C5: variants seen among roughly 807,000 people sequenced by gnomAD.
The protein encoded by C5 is complement C5.
A neutral mutation model predicts 218.8 loss-of-function variants in C5; 140 were observed. The observed-to-expected ratio is 0.64, with a 90% confidence interval of 0.56 to 0.74. The LOEUF is 0.74. Among genes scored for constraint, C5 ranks in the 30% least tolerant of loss-of-function variants. C5 has a pLI of 0.00. For missense variants in C5, 1,700 were observed against 1,969.6 expected, an observed-to-expected ratio of 0.86 and a Z score of 2.59; for synonymous variants, 614 against 682.3, an observed-to-expected ratio of 0.90 and a Z score of 1.56.
At chr9:121,002,331 T>C (rs1349780958) in intron 20 of C5, among the ~76,000 whole-genome samples, 8 of 116,650 alleles carry the variant, frequency 6.9e-5, no homozygotes, top group South Asian at 3.2e-4. Context: ...TATATATATA[T>C]ATATATATAT....
Position 120,982,801 on chromosome 9 carries a change from C to A in C5, c.3244G>T (p.Ala1082Ser). Residue 1082 changes from alanine to serine, a missense_variant, in exon 26 of 41, where the codon GCT (alanine) becomes TCT (serine). Ala to Ser is a moderately conservative substitution (Grantham distance 99, BLOSUM62 1). Transcript: ENST00000223642. ...TTTACTTGTCCAAGTACTCTTAAAGCAAAAGCTGTTAACCTTTAAGACAAA... is the reference window on the plus strand; with the variant it reads ...TTTACTTGTCCAAGTACTCTTAAAGAAAAAGCTGTTAACCTTTAAGACAAA... ...GSASTWLTAF[A>S]LRVLGQVNKY... is the part of the protein sequence containing the mutation. 1 of 1,583,052 alleles carries A rather than the reference C, an allele frequency of 6.3e-7. No homozygotes were observed. The highest frequency in any genetic ancestry group is 8.7e-7 in the Non-Finnish European group (1 of 1,153,934).
chr9:120,969,512 A>G (rs1219616475), intron 32 of C5, among the ~76,000 whole-genome samples: 2 of 152,228 alleles, frequency 1.3e-5, no homozygotes, highest in African/African-American at 4.8e-5. Flanking sequence ...CAGAGGCAGC[A>G]ACATTCATTC....
chr9:121,029,892 C>T (rs1468281469), intron 7 of C5, among the ~76,000 whole-genome samples: 1 of 152,180 alleles, frequency 6.6e-6, no homozygotes, highest in Non-Finnish European at 1.5e-5. Flanking sequence ...TGGACAGGAC[C>T]TTCCTAGACC....
chr9:121,027,042 A>AT, intron 8 of C5, 118 bp downstream of exon 8: 1 of 708,200 alleles, frequency 1.4e-6, no homozygotes, highest in South Asian at 1.5e-5. Flanking sequence ...CCAATGGAGG[A>AT]TTTTAAGTTT....
At chr9:120,969,819 T>C (rs1258693160) in intron 32 of C5, among the ~76,000 whole-genome samples, 2 of 152,196 alleles carry the variant, frequency 1.3e-5, no homozygotes, top group African/African-American at 4.8e-5. Flanking sequence ...GGTCCCAGAT[T>C]GGAAGGCTAA....
intron 7 of C5, among the ~76,000 whole-genome samples, chr9:121,028,047 A>G (rs1321719289): frequency 3.3e-5 from 5 of 152,246 alleles, no homozygotes; most frequent in African/African-American, 7.2e-5. Context: ...ATGAACAGAT[A>G]CTTCTCAAAA....
the C5 span, chr9:121,074,779 C>G: frequency 6.6e-6 from 3 of 454,366 alleles, no homozygotes; most frequent in African/African-American, 4.0e-5. Flanking sequence ...AAGGCGAAGG[C>G]ACCGCATCCC....
chr9:121,052,283 C>T (rs1484563935), upstream of C5, among the ~76,000 whole-genome samples: 1 of 151,750 alleles, frequency 6.6e-6, no homozygotes, highest in Non-Finnish European at 1.5e-5. Flanking sequence ...ATGGCGAAAA[C>T]CCGCCTCTAC....
intron 38 of C5, 105 bp downstream of exon 38, chr9:120,960,143 T>A: frequency 1.3e-6 from 1 of 742,214 alleles, no homozygotes; most frequent in Non-Finnish European, 2.4e-6. Context: ...TCACATGGAA[T>A]GTTGTATTCA....
intron 17 of C5, among the ~76,000 whole-genome samples, chr9:121,012,728 C>G (rs572720606): frequency 6.6e-6 from 1 of 152,276 alleles, no homozygotes; most frequent in Non-Finnish European, 1.5e-5. Context: ...CGTACTTACA[C>G]TAATCTAGAT....
the C5 span, among the ~76,000 whole-genome samples, chr9:121,060,850 C>G: frequency 6.6e-6 from 1 of 152,134 alleles, no homozygotes; most frequent in Non-Finnish European, 1.5e-5. Context: ...ATTTTACAGA[C>G]AAAGAATCTG....
intron 37 of C5, among the ~76,000 whole-genome samples, chr9:120,960,659 T>A (rs1407586892): frequency 6.6e-6 from 1 of 152,172 alleles, no homozygotes; most frequent in Non-Finnish European, 1.5e-5. Flanking sequence ...ATTATGAAAT[T>A]TTTCTTGTGA....
the C5 span, among the ~76,000 whole-genome samples, chr9:121,059,007 GAGTC>G: frequency 6.6e-6 from 1 of 152,230 alleles, no homozygotes; most frequent in Non-Finnish European, 1.5e-5. The surrounding 1 kb of genome is among the most constrained non-coding windows in gnomAD (Gnocchi z 4.1). Flanking sequence ...GAGGTGGAAA[GAGTC>G]AGAGAATAAC....
intron 29 of C5, among the ~76,000 whole-genome samples, chr9:120,975,275 C>T (rs1383787186): frequency 5.3e-5 from 8 of 152,202 alleles, no homozygotes; most frequent in Non-Finnish European, 1.2e-4. Flanking sequence ...AGTATCTCCA[C>T]AACAAGGCCA....
At chr9:120,959,962 C>T (rs977553333) in intron 38 of C5, among the ~76,000 whole-genome samples, 1 of 152,086 alleles carries the variant, frequency 6.6e-6, no homozygotes, top group African/African-American at 2.4e-5. Flanking sequence ...TCAAAAGTTC[C>T]CTTTGACTAT....
chr9:121,036,751 G>T (rs1232382171), intron 4 of C5, among the ~76,000 whole-genome samples: 1 of 151,858 alleles, frequency 6.6e-6, no homozygotes, highest in South Asian at 2.1e-4. Flanking sequence ...ACCTCTCATT[G>T]GTCTTCCCTC....
the C5 span, among the ~76,000 whole-genome samples, chr9:121,069,561 G>A: frequency 1.3e-5 from 2 of 151,134 alleles, no homozygotes; most frequent in Admixed American, 6.6e-5. Context: ...TTGCCCAGGC[G>A]GCATTGCAGT....
intron 8 of C5, among the ~76,000 whole-genome samples, chr9:121,026,369 A>T (rs1482792916): frequency 6.6e-6 from 1 of 152,206 alleles, no homozygotes; most frequent in Non-Finnish European, 1.5e-5. Context: ...AACTTCATGA[A>T]TATTTCCTTG....
At chr9:121,036,500 A>G (rs1208589033) in intron 4 of C5, among the ~76,000 whole-genome samples, 3 of 152,212 alleles carry the variant, frequency 2.0e-5, no homozygotes, top group African/African-American at 7.2e-5. Context: ...GAAAAAGGGC[A>G]TTTGAGCTGA....
Sources: gnomAD v4.1 joint callset for allele counts (sites outside exome capture counted in the v4.1 genomes callset) on GRCh38, gnomAD v4.1.1 for gene constraint, Gnocchi (gnomAD v3.1) non-coding constraint, MANE v1.5 for transcripts, NCBI Gene and HGNC (gene_info 2026-07-23, HGNC 2026-07-21) for gene names.